LEPROT: variants seen among roughly 807,000 people sequenced by gnomAD.
LEPROT encodes the protein leptin receptor gene-related protein.
A neutral mutation model predicts 15.4 loss-of-function variants in LEPROT; 3 were observed. That is an observed-to-expected ratio of 0.19 (90% CI 0.09 to 0.50). LEPROT has a LOEUF of 0.50. LEPROT is among the 20% of genes least tolerant of loss of function. LEPROT has a pLI of 0.97. For synonymous variants in LEPROT, 59 were observed against 57.5 expected, an observed-to-expected ratio of 1.03 and a Z score of -0.12; for missense variants, 137 against 162.2, an observed-to-expected ratio of 0.84 and a Z score of 0.84.
Position 65,432,540 on chromosome 1 carries a change from C to G in LEPROT, c.*621C>G. The G allele has an allele frequency of 2.4e-6, 2 of 839,690 alleles. No homozygotes were observed. The highest frequency in any genetic ancestry group is 2.9e-6 in the Non-Finnish European group (2 of 698,304). 52.0% of individuals were successfully genotyped at this position (839,690 alleles called of 1,614,324 possible). A position where few individuals can be genotyped will look rare whatever the true frequency, so the allele number is the denominator to read the frequency against. On this transcript the variant is annotated 3_prime_UTR_variant, in exon 4 of 4. Transcript: ENST00000371065. ...TTCCAGTGGCTAAACCACTTAACCT[C>G]TCTGGGTGTTACCTGCTCATTTGTT...
In LEPROT at chr1:65,435,286, A is replaced by G; in HGVS notation, c.*3367A>G. 1.0e-6 allele frequency: 1 copy of G among 985,080 alleles called. No homozygotes were observed. Among genetic ancestry groups the G allele is most frequent in the South Asian group, 4.7e-5 (1 of 21,270 alleles). The allele number at this position is 985,080 out of a possible 1,614,324, so 61.0% of individuals were successfully genotyped here. On this transcript the variant is annotated 3_prime_UTR_variant, in exon 4 of 4. Transcript: ENST00000371065. ...CAATGAATACTGTTTTCAAGGCTGA[A>G]ATAGTTCATTATGTTAATAACCTTC...
intron 3 of LEPROT, 29 bp from the exon 4 acceptor site, chr1:65,431,774 G>C (rs1557585950): frequency 6.2e-7 from 1 of 1,605,026 alleles, no homozygotes; most frequent in South Asian, 1.1e-5. Context: ...AGGAAGTAAG[G>C]ATTTAATCCT....
chr1:65,424,143 C>T (rs1646310594), intron 1 of LEPROT, among the ~76,000 whole-genome samples: 2 of 151,326 alleles, frequency 1.3e-5, no homozygotes, highest in African/African-American at 4.9e-5. Context: ...TACTCTGTTT[C>T]TCACTCAGCA....
intron 1 of LEPROT, among the ~76,000 whole-genome samples, chr1:65,423,372 A>G (rs1646291204): frequency 6.6e-6 from 1 of 152,128 alleles, no homozygotes; most frequent in Non-Finnish European, 1.5e-5. Context: ...CTGAAAAAAG[A>G]GGAAAAAAAA....
At chr1:65,431,730 G>A in intron 3 of LEPROT, 73 bp from the exon 4 acceptor site, 2 of 1,479,734 alleles carry the variant, frequency 1.4e-6, no homozygotes, top group Non-Finnish European at 1.8e-6. Context: ...TTCTAATGCA[G>A]AAAATAATAG....
rs949005513 is a variant in LEPROT, at chr1:65,434,397, C to T, written c.*2478C>T. On this transcript the variant is annotated 3_prime_UTR_variant, in exon 4 of 4. Transcript: ENST00000371065. ...TAGTCGAAAACTGAGATTGCACTTC[C>T]AAAATTGGCCACAAGTAAATAATCT... 2.0e-6 allele frequency: 2 copies of T among 985,144 alleles called. No homozygotes were observed. Among genetic ancestry groups the T allele is most frequent in the Admixed American group, 6.2e-5 (1 of 16,254 alleles). The allele number at this position is 985,144 out of a possible 1,614,324, so 61.0% of individuals were successfully genotyped here. A position where few individuals can be genotyped will look rare whatever the true frequency, so the allele number is the denominator to read the frequency against.
chr1:65,425,228 C>A, intron 1 of LEPROT, 75 bp from the exon 2 acceptor site: 1 of 1,277,928 alleles, frequency 7.8e-7, no homozygotes, highest in Non-Finnish European at 1.1e-6. Flanking sequence ...GAAGTCACTC[C>A]CCATTTCCCC....
rs1467180980 is a variant in LEPROT at position 65,435,368 on chromosome 1, T to C, written c.*3449T>C. 1.3e-5 allele frequency: 6 copies of C among 460,188 alleles called. No individual in the cohort carries two copies. Among genetic ancestry groups the C allele is most frequent in the Non-Finnish European group, 1.6e-5 (6 of 385,354 alleles). 28.5% of individuals were successfully genotyped at this position (460,188 alleles called of 1,614,324 possible). A position where few individuals can be genotyped will look rare whatever the true frequency, so the allele number is the denominator to read the frequency against. On this transcript the variant is annotated 3_prime_UTR_variant, in exon 4 of 4. Coordinates refer to ENST00000371065, the MANE Select transcript of LEPROT (RefSeq NM_017526.5). ...TCACAAAATGTGCCTTTTCTTTTCTTTTTTTTTTTTTTTTTTTGAGGCAGA... is the reference window on the plus strand; with the variant it reads ...TCACAAAATGTGCCTTTTCTTTTCTCTTTTTTTTTTTTTTTTTGAGGCAGA...
In LEPROT at chr1:65,433,223, GCTT is replaced by G; in HGVS notation, c.*1309_*1311del. The G allele has an allele frequency of 1.0e-6, 1 of 985,374 alleles. No individual in the cohort carries two copies. Among genetic ancestry groups the G allele is most frequent in the African/African-American group, 1.7e-5 (1 of 57,328 alleles). 61.0% of individuals were successfully genotyped at this position (985,374 alleles called of 1,614,324 possible). On this transcript the variant is annotated 3_prime_UTR_variant, in exon 4 of 4. Transcript: ENST00000371065. ...TTGCCCTGACTTCTCTACGGCTCTGGCTTCTTCCCGAAGAGATATAGGAGCCAT... is the reference window on the plus strand; with the variant it reads ...TTGCCCTGACTTCTCTACGGCTCTGGCTTCCCGAAGAGATATAGGAGCCAT...
chr1:65,433,549 C>T lies in LEPROT; in HGVS notation c.*1630C>T. The T allele has an allele frequency of 2.0e-6, 2 of 985,344 alleles. No individual in the cohort carries two copies. Among genetic ancestry groups the T allele is most frequent in the Non-Finnish European group, 2.4e-6 (2 of 829,898 alleles). 61.0% of individuals were successfully genotyped at this position (985,344 alleles called of 1,614,324 possible). ...ACACTTAATCCTTGAGGCTTGTGAT[C>T]TGAGTAATTAGCAGGTATGATGCTG... On this transcript the variant is annotated 3_prime_UTR_variant, in exon 4 of 4. Transcript: ENST00000371065.
rs561109788 is a variant in LEPROT, at chr1:65,433,619, G to A, written c.*1700G>A. 6 of 985,214 alleles carry A rather than the reference G, an allele frequency of 6.1e-6. No homozygotes were observed. Among genetic ancestry groups the A allele is most frequent in the East Asian group, 2.3e-4 (2 of 8,832 alleles). The allele number at this position is 985,214 out of a possible 1,614,324, so 61.0% of individuals were successfully genotyped here. On this transcript the variant is annotated 3_prime_UTR_variant, in exon 4 of 4. Transcript: ENST00000371065. ...AATAACTAAAGGGTTAATGTGCAAC[G>A]TTATTTTTTGGCCTTGTTCATGATT...
intron 2 of LEPROT, among the ~76,000 whole-genome samples, chr1:65,426,022 G>A (rs1042533989): frequency 5.3e-5 from 8 of 152,192 alleles, no homozygotes; most frequent in Non-Finnish European, 5.9e-5. Flanking sequence ...TGGGGGAGAC[G>A]GACAGTAAAC....
intron 1 of LEPROT, 106 bp downstream of exon 1, chr1:65,420,846 C>T: frequency 7.4e-7 from 1 of 1,350,148 alleles, no homozygotes; most frequent in Non-Finnish European, 1.0e-6. Context: ...ACGGCCTCAC[C>T]ACCCTTCCCG....
At position 65,429,906 on chromosome 1, in the gene LEPROT, C is replaced by T; in HGVS notation, c.137C>T (p.Pro46Leu). 6.5e-7 allele frequency: 1 copy of T among 1,539,606 alleles called. No homozygotes were observed. The highest frequency in any genetic ancestry group is 1.2e-5 in the South Asian group (1 of 82,192). ...GTCCTGATTTTCCACGCCATCTCCC[C>T]CATCCCCCATTTCATTGCCAAAAGA... Reference protein sequence around the residue: ...LFVLIFHAISPIPHFIAKRVT... With the variant: ...LFVLIFHAISLIPHFIAKRVT... Residue 46 changes from proline to leucine, a missense_variant, in exon 3 of 4, where the codon CCC becomes CTC. Pro to Leu is a moderately conservative substitution (Grantham distance 98). Coordinates refer to ENST00000371065, the MANE Select transcript of LEPROT (RefSeq NM_017526.5).
chr1:65,421,449 C>A, intron 1 of LEPROT: 1 of 1,535,992 alleles, frequency 6.5e-7, no homozygotes, highest in Non-Finnish European at 8.7e-7. Context: ...TGCAAGGCTT[C>A]CTGTATTTTG....
intron 1 of LEPROT, among the ~76,000 whole-genome samples, chr1:65,423,113 G>A (rs191758444): frequency 5.6e-4 from 85 of 152,154 alleles, no homozygotes; most frequent in African/African-American, 1.9e-3. Context: ...GGTTTTACAC[G>A]TGTTACACAT....
intron 2 of LEPROT, chr1:65,427,773 GT>G: frequency 5.0e-6 from 2 of 403,196 alleles, no homozygotes; most frequent in Non-Finnish European, 5.0e-6. Flanking sequence ...TTAATTTTTT[GT>G]TTTTTAGAGA....
At chr1:65,426,821 A>AC (rs1646383202) in intron 2 of LEPROT, among the ~76,000 whole-genome samples, 1 of 152,082 alleles carries the variant, frequency 6.6e-6, no homozygotes, top group South Asian at 2.1e-4. Context: ...ACATGGTGAA[A>AC]CCCCATCTCT....
rs770318763 is a variant in LEPROT at position 65,430,038 on chromosome 1, G to A, written c.269G>A (p.Arg90His). ...SAFGFPVILA[R>H]VAVIKWGACG... ...TTTGGATTTCCTGTTATTCTTGCTC[G>A]TGTGGCTGTGGTAAGTTTTATTTTC... The change falls in exon 3 of 4, where the codon CGT becomes CAT. Residue 90 changes from arginine (R) to histidine (H), a missense_variant. By Grantham distance (29) the Arg-to-His change is conservative. Transcript: ENST00000371065. 10 of 1,555,014 alleles carry A rather than the reference G, an allele frequency of 6.4e-6. No homozygotes were observed. The highest frequency in any genetic ancestry group is 1.2e-5 in the South Asian group (1 of 85,124).
Sources: gnomAD v4.1 joint callset for allele counts (sites outside exome capture counted in the v4.1 genomes callset) on GRCh38, gnomAD v4.1.1 for gene constraint, MANE v1.5 for transcripts, NCBI Gene and HGNC (gene_info 2026-07-23, HGNC 2026-07-21) for gene names.